GRIK3: variants seen among roughly 807,000 people sequenced by gnomAD.
GRIK3 encodes glutamate ionotropic receptor kainate type subunit 3.
GRIK3 carries 29 observed loss-of-function variants against 102.5 expected under a neutral mutation model. The observed-to-expected ratio is 0.28, with a 90% CI of 0.21 to 0.39. The LOEUF (loss-of-function observed/expected upper bound fraction) is 0.39, where lower values mean the gene tolerates loss of function less well. GRIK3 is among the 10% of genes least tolerant of loss of function. The pLI is 1.00. For missense variants in GRIK3, 908 were observed against 1,252.4 expected, an observed-to-expected ratio of 0.73 and a Z score of 4.15; for synonymous variants, 511 against 504.9, an observed-to-expected ratio of 1.01 and a Z score of -0.16.
At chr1:36,942,520 G>C (rs539730351) in intron 1 of GRIK3, among the ~76,000 whole-genome samples, 99 of 152,186 alleles carry the variant, frequency 6.5e-4, no homozygotes, top group African/African-American at 2.2e-3. Context: ...AGCTAGGGAG[G>C]CTGTTCCCTT....
chr1:36,996,755 G>A (rs770530662), intron 1 of GRIK3, among the ~76,000 whole-genome samples: 3 of 152,186 alleles, frequency 2.0e-5, no homozygotes, highest in Non-Finnish European at 2.9e-5. Context: ...TTGGTCACGT[G>A]TGGAGGGATA....
At chr1:36,818,666 G>C (rs1642657546) in intron 12 of GRIK3, among the ~76,000 whole-genome samples, 1 of 152,242 alleles carries the variant, frequency 6.6e-6, no homozygotes, top group African/African-American at 2.4e-5. Flanking sequence ...CCAGCACAGA[G>C]CCTGGCATGT....
chr1:36,857,007 G>A (rs760163813), intron 7 of GRIK3, among the ~76,000 whole-genome samples: 3 of 152,204 alleles, frequency 2.0e-5, no homozygotes, highest in Non-Finnish European at 4.4e-5. Context: ...TCCCTAGTGC[G>A]ACACACGTGC....
chr1:36,965,815 C>T (rs1231724862), intron 1 of GRIK3, among the ~76,000 whole-genome samples: 1 of 152,106 alleles, frequency 6.6e-6, no homozygotes, highest in Non-Finnish European at 1.5e-5. Context: ...TATTTGTTTC[C>T]CAATTTACAA....
At chr1:36,849,196 C>T (rs1455915354) in intron 9 of GRIK3, among the ~76,000 whole-genome samples, 1 of 152,154 alleles carries the variant, frequency 6.6e-6, no homozygotes, top group African/African-American at 2.4e-5. Context: ...ACATCTGCCA[C>T]CCAGCCACCA....
intron 1 of GRIK3, among the ~76,000 whole-genome samples, chr1:36,952,319 T>A (rs1335655696): frequency 6.6e-6 from 1 of 151,998 alleles, no homozygotes; most frequent in African/African-American, 2.4e-5. Flanking sequence ...TGAGCTGTCA[T>A]CCAGGCAGCA....
intron 11 of GRIK3, among the ~76,000 whole-genome samples, chr1:36,823,638 C>T (rs1228504685): frequency 6.6e-6 from 1 of 152,132 alleles, no homozygotes; most frequent in East Asian, 1.9e-4. Flanking sequence ...AGCAGCTGCC[C>T]CCTTCAGCCA....
chr1:36,969,565 T>C (rs1344882521), intron 1 of GRIK3, among the ~76,000 whole-genome samples: 3 of 152,316 alleles, frequency 2.0e-5, no homozygotes, highest in East Asian at 3.9e-4. Flanking sequence ...ATCCTAATGA[T>C]GGAATAAGTA....
At chr1:36,920,743 C>A (rs1448111077) in intron 1 of GRIK3, among the ~76,000 whole-genome samples, 2 of 152,246 alleles carry the variant, frequency 1.3e-5, no homozygotes, top group African/African-American at 4.8e-5. Context: ...GGCCCCAGTG[C>A]CATTCCCCAC....
chr1:36,907,012 A>G (rs1029860814), intron 1 of GRIK3, among the ~76,000 whole-genome samples: 1 of 152,228 alleles, frequency 6.6e-6, no homozygotes, highest in African/African-American at 2.4e-5. Context: ...ACTTTATCAT[A>G]TGTACCCCAA....
chr1:36,977,279 T>C (rs1307598819), intron 1 of GRIK3, among the ~76,000 whole-genome samples: 2 of 152,240 alleles, frequency 1.3e-5, no homozygotes, highest in Non-Finnish European at 2.9e-5. Context: ...CAGGTCCCAT[T>C]GTCTTAAAGA....
At chr1:37,021,100 G>C (rs183281251) in intron 1 of GRIK3, among the ~76,000 whole-genome samples, 1 of 139,460 alleles carries the variant, frequency 7.2e-6, no homozygotes, top group Admixed American at 7.1e-5. Context: ...AAGTGTGTGT[G>C]TGTGTGTGTG....
intron 5 of GRIK3, among the ~76,000 whole-genome samples, chr1:36,866,626 T>G (rs755017831): frequency 3.3e-5 from 5 of 152,224 alleles, no homozygotes; most frequent in Non-Finnish European, 5.9e-5. Flanking sequence ...GTCAATGCAC[T>G]CAGCGTAACA....
At chr1:36,906,225 C>T (rs1641283062) in intron 1 of GRIK3, among the ~76,000 whole-genome samples, 1 of 152,188 alleles carries the variant, frequency 6.6e-6, no homozygotes, top group African/African-American at 2.4e-5. Flanking sequence ...CACTCAGGTG[C>T]AATACCAGGG....
intron 1 of GRIK3, among the ~76,000 whole-genome samples, chr1:36,953,717 G>T (rs1202094032): frequency 6.6e-6 from 1 of 152,006 alleles, no homozygotes; most frequent in Non-Finnish European, 1.5e-5. Flanking sequence ...GCACCCGAAG[G>T]TGCCAGCTGG....
chr1:36,813,072 T>A (rs1459697406), intron 13 of GRIK3, among the ~76,000 whole-genome samples: 2 of 152,198 alleles, frequency 1.3e-5, no homozygotes. Flanking sequence ...CTGAGGACTG[T>A]GGCTGGGTCC....
chr1:36,818,469 G>C (rs1431949909), intron 12 of GRIK3, among the ~76,000 whole-genome samples: 2 of 152,200 alleles, frequency 1.3e-5, no homozygotes, highest in African/African-American at 4.8e-5. Context: ...GCCTCCCCAG[G>C]TTGCTCCAAA....
rs488100 is a variant in GRIK3, at chr1:36,914,956, G to A, written c.116-23860C>T. 2.8e-4 allele frequency among the ~76,000 whole-genome samples: 42 copies of A among 152,364 alleles called. 2 individuals are homozygous for A. Among genetic ancestry groups the A allele is most frequent in the African/African-American group, 1.0e-3 (42 of 41,582 alleles). ...GTGCTTTGTGCCTCTCCCTGAGGTA[G>A]TTGTTTCAAATAAGGGATTCTGACT... On this transcript the variant is annotated intron_variant, in intron 1 of 15. Transcript: ENST00000373091.
intron 1 of GRIK3, among the ~76,000 whole-genome samples, chr1:36,899,223 A>G (rs1219396067): frequency 6.6e-6 from 1 of 152,200 alleles, no homozygotes; most frequent in Non-Finnish European, 1.5e-5. Context: ...AAAAGACACT[A>G]TTAACAGAGT....
Sources: allele counts gnomAD v4.1 joint callset (sites outside exome capture counted in the v4.1 genomes callset), GRCh38; gene constraint gnomAD v4.1.1; transcripts MANE v1.5; gene names NCBI Gene and HGNC (gene_info 2026-07-23, HGNC 2026-07-21).